The following GRM3 variants were observed in gnomAD, a reference collection of about 807,000 sequenced individuals.
The protein encoded by GRM3 is metabotropic glutamate receptor 3.
In GRM3, 26 loss-of-function variants were observed where a neutral mutation model predicts 70.5. The observed-to-expected ratio is 0.37, with a 90% CI of 0.27 to 0.51. GRM3 has a LOEUF of 0.51. GRM3 is among the 20% of genes least tolerant of loss of function. The pLI is 0.93. For synonymous variants in GRM3, 443 were observed against 434.9 expected (o/e 1.02, Z -0.23); for missense variants, 859 against 1,123.8 (o/e 0.76, Z 3.37).
intron 3 of GRM3, among the ~76,000 whole-genome samples, chr7:86,799,242 G>A (rs1235245727): frequency 6.6e-6 from 1 of 152,202 alleles, no homozygotes; most frequent in Non-Finnish European, 1.5e-5. Flanking sequence ...ATCAGCTTAA[G>A]AAGGTTTTGA....
intron 3 of GRM3, among the ~76,000 whole-genome samples, chr7:86,837,733 C>T (rs1253590460): frequency 6.6e-6 from 1 of 152,138 alleles, no homozygotes; most frequent in African/African-American, 2.4e-5. Context: ...GAAGGACAGA[C>T]ACCCAGCAAC....
intron 1 of GRM3, among the ~76,000 whole-genome samples, chr7:86,728,013 TTAAAA>T (rs1252805988): frequency 6.6e-6 from 1 of 152,198 alleles, no homozygotes; most frequent in Non-Finnish European, 1.5e-5. Context: ...GGTGGAATAT[TTAAAA>T]TAAAGTGTAT....
intron 3 of GRM3, among the ~76,000 whole-genome samples, chr7:86,816,837 G>A (rs539400057): frequency 2.6e-5 from 4 of 151,954 alleles, no homozygotes; most frequent in South Asian, 4.2e-4. Flanking sequence ...TAAGATTTAC[G>A]AGTCTGTATT....
intron 1 of GRM3, among the ~76,000 whole-genome samples, chr7:86,710,445 A>C (rs531604195): frequency 6.7e-6 from 1 of 149,742 alleles, no homozygotes; most frequent in Non-Finnish European, 1.5e-5. Context: ...CTGGGAAAGC[A>C]GATAGCCCAG....
chr7:86,732,033 T>C (rs1020865755), intron 1 of GRM3, among the ~76,000 whole-genome samples: 2 of 152,166 alleles, frequency 1.3e-5, no homozygotes, highest in African/African-American at 2.4e-5. Context: ...TGAATAAACC[T>C]AGAAGTAGAA....
At chr7:86,720,321 A>G (rs1418806230) in intron 1 of GRM3, among the ~76,000 whole-genome samples, 1 of 152,016 alleles carries the variant, frequency 6.6e-6, no homozygotes, top group Non-Finnish European at 1.5e-5. Context: ...GGTAACATCA[A>G]GTGTATCATG....
At chr7:86,747,865 G>A (rs1165735794) in intron 1 of GRM3, among the ~76,000 whole-genome samples, 1 of 152,018 alleles carries the variant, frequency 6.6e-6, no homozygotes, top group African/African-American at 2.4e-5. Context: ...AAGCAGCTTC[G>A]GCTCACTTAC....
At chr7:86,720,902 A>G (rs1327470470) in intron 1 of GRM3, among the ~76,000 whole-genome samples, 2 of 152,172 alleles carry the variant, frequency 1.3e-5, no homozygotes, top group Middle Eastern at 3.4e-3. Flanking sequence ...GTTTACATTG[A>G]GGTAGAGATA....
chr7:86,695,562 G>A (rs575680337), intron 1 of GRM3, among the ~76,000 whole-genome samples: 7 of 152,206 alleles, frequency 4.6e-5, no homozygotes, highest in East Asian at 1.9e-4. Context: ...GAGCTTTTGC[G>A]TCAGATACCA....
At chr7:86,761,280 T>G (rs973913354) in intron 1 of GRM3, among the ~76,000 whole-genome samples, 2 of 152,102 alleles carry the variant, frequency 1.3e-5, no homozygotes, top group African/African-American at 4.8e-5. Context: ...TATTCCTTAT[T>G]TAGTATTCTC....
chr7:86,646,004 GGTGGGGGGGGGT>G (rs1793458074), intron 1 of GRM3, among the ~76,000 whole-genome samples: 2 of 60,172 alleles, frequency 3.3e-5, no homozygotes, highest in African/African-American at 1.2e-4. Flanking sequence ...GGGGTGGGGG[GGTGGGGGGGGGT>G]GGGAGGGAGT....
chr7:86,700,087 A>G (rs1489608553), intron 1 of GRM3, among the ~76,000 whole-genome samples: 1 of 151,976 alleles, frequency 6.6e-6, no homozygotes, highest in Admixed American at 6.6e-5. Flanking sequence ...TTGAGAACAG[A>G]ACCATCTGTC....
chr7:86,743,488 G>T (rs559272443), intron 1 of GRM3, among the ~76,000 whole-genome samples: 32 of 151,904 alleles, frequency 2.1e-4, no homozygotes, highest in Non-Finnish European at 4.6e-4. Context: ...ATCTATAAGG[G>T]TCCAAGGTTT....
chr7:86,841,498 T>A (rs1445883321), intron 4 of GRM3, among the ~76,000 whole-genome samples: 1 of 152,200 alleles, frequency 6.6e-6, no homozygotes, highest in African/African-American at 2.4e-5. Flanking sequence ...GCCCCATCTC[T>A]ATCTTTTGTC....
intron 1 of GRM3, among the ~76,000 whole-genome samples, chr7:86,763,158 T>C (rs1400618180): frequency 6.6e-6 from 1 of 152,136 alleles, no homozygotes; most frequent in African/African-American, 2.4e-5. Flanking sequence ...ATGAATAGTG[T>C]GGCTTTTAGG....
intron 1 of GRM3, among the ~76,000 whole-genome samples, chr7:86,652,712 G>T (rs1447762156): frequency 1.3e-5 from 2 of 152,134 alleles, no homozygotes; most frequent in Non-Finnish European, 2.9e-5. Flanking sequence ...ATTGAAAAAC[G>T]AAGAATAGTT....
At chr7:86,810,637 C>G (rs1471520046) in intron 3 of GRM3, among the ~76,000 whole-genome samples, 1 of 151,934 alleles carries the variant, frequency 6.6e-6, no homozygotes, top group Non-Finnish European at 1.5e-5. Flanking sequence ...TTCAAGGTAA[C>G]TTGCATGCAG....
chr7:86,777,725 A>T (rs1054814349), intron 2 of GRM3, among the ~76,000 whole-genome samples: 3 of 152,188 alleles, frequency 2.0e-5, no homozygotes, highest in African/African-American at 7.2e-5. Context: ...TAACAATATG[A>T]TTGGACTCCT....
In GRM3 at chr7:86,751,820, A is replaced by G. The variant is rs114971770; in HGVS notation, c.-140-13186A>G. ...CACTTGCAGTGAGGTATGGCATCTC[A>G]TCTTCCTCTAGGACTTCTCACCAGG... On this transcript the variant is annotated intron_variant, in intron 1 of 5. Transcript: ENST00000361669. 8.9e-3 allele frequency among the ~76,000 whole-genome samples: 1,358 copies of G among 152,180 alleles called. 16 individuals carry two copies. The highest frequency in any genetic ancestry group is 0.031 in the African/African-American group (1,295 of 41,538).
Sources: allele counts gnomAD v4.1 joint callset (sites outside exome capture counted in the v4.1 genomes callset), GRCh38; gene constraint gnomAD v4.1.1; transcripts MANE v1.5; gene names NCBI Gene and HGNC (gene_info 2026-07-23, HGNC 2026-07-21).